RMDN2: variants seen among roughly 807,000 people sequenced by gnomAD.
RMDN2 encodes regulator of microtubule dynamics 2, also known as regulator of microtubule dynamics protein 2.
Under a neutral mutation model 52.8 loss-of-function variants are expected in RMDN2, and 61 were observed. That is an observed-to-expected ratio of 1.16 (90% confidence interval 0.94 to 1.43). RMDN2 has a LOEUF of 1.43. Among genes scored for constraint, RMDN2 ranks in the 40% most tolerant of loss-of-function variants. RMDN2 has a pLI of 0.00. For missense variants in RMDN2, 592 were observed against 475.3 expected (o/e 1.25, Z -2.28); for synonymous variants, 180 against 153.1 (o/e 1.18, Z -1.30).
intron 10 of RMDN2, among the ~76,000 whole-genome samples, chr2:38,040,045 C>CATTATT (rs60031771): frequency 0.28 from 39,971 of 141,382 alleles, 5,916 homozygotes; most frequent in Non-Finnish European, 0.33. Context: ...TGTCTAGATT[C>CATTATT]ATTATTATTA....
At chr2:38,025,835 A>G (rs1263705457) in intron 10 of RMDN2, among the ~76,000 whole-genome samples, 1 of 152,018 alleles carries the variant, frequency 6.6e-6, no homozygotes. Flanking sequence ...TATTCTTTTT[A>G]TTGTATCAGT....
In RMDN2 at chr2:38,010,603, G is replaced by A. The variant is rs145246116; in HGVS notation, c.1179+6387G>A. Among the ~76,000 whole-genome samples, 248 of 152,270 alleles carry A rather than the reference G, an allele frequency of 1.6e-3. 2 individuals carry two copies. The highest frequency in any genetic ancestry group is 5.6e-3 in the African/African-American group (231 of 41,538). On this transcript the variant is annotated intron_variant, in intron 10 of 10. Coordinates refer to ENST00000354545, the MANE Select transcript of RMDN2 (RefSeq NM_001170791.3). The stretch of plus-strand genomic sequence containing the variant: ...GGAGTGACCCGATCTTCCAGGTGCC[G>A]TTTGTCACCCCTTTCTTTGACTAGG...
chr2:37,945,827 C>G (rs1005827954), intron 2 of RMDN2, among the ~76,000 whole-genome samples: 5 of 152,146 alleles, frequency 3.3e-5, no homozygotes, highest in Non-Finnish European at 5.9e-5. Context: ...CACTTTACCA[C>G]TCTGCTGCAC....
chr2:38,059,921 GGAGTCTCGCTCTGTCACCCAGGC>G (rs2125307154), intron 10 of RMDN2, among the ~76,000 whole-genome samples: 1 of 151,746 alleles, frequency 6.6e-6, no homozygotes, highest in Admixed American at 6.6e-5. Context: ...TTTTTGAGAC[GGAGTCTCGCTCTGTCACCCAGGC>G]TGGAGTGCAG....
chr2:37,944,095 C>T (rs1238190981), intron 2 of RMDN2, among the ~76,000 whole-genome samples: 1 of 152,122 alleles, frequency 6.6e-6, no homozygotes, highest in African/African-American at 2.4e-5. Context: ...TGTGTAACTG[C>T]ACCACCCAAG....
intron 8 of RMDN2, among the ~76,000 whole-genome samples, chr2:37,999,530 AGAG>A (rs1245568728): frequency 6.6e-6 from 1 of 152,136 alleles, no homozygotes; most frequent in Non-Finnish European, 1.5e-5. Flanking sequence ...CAAAGAAAAG[AGAG>A]GAGGCATCAG....
chr2:38,031,256 C>CTTTTTTTTTTTTT (rs552306141), intron 10 of RMDN2, among the ~76,000 whole-genome samples: 2 of 105,860 alleles, frequency 1.9e-5, no homozygotes, highest in African/African-American at 3.8e-5. Context: ...CTTTGTTTCC[C>CTTTTTTTTTTTTT]TTTTTTTTTT....
chr2:37,955,099 T>C (rs1342745598), intron 2 of RMDN2, among the ~76,000 whole-genome samples: 2 of 152,136 alleles, frequency 1.3e-5, no homozygotes, highest in Admixed American at 1.3e-4. Context: ...GTGTGAAATA[T>C]TTAGGGTTTT....
At chr2:37,968,538 C>G (rs1038938773) in intron 2 of RMDN2, among the ~76,000 whole-genome samples, 2 of 150,828 alleles carry the variant, frequency 1.3e-5, no homozygotes, top group African/African-American at 4.9e-5. Flanking sequence ...TCCTGATGTA[C>G]TTATGTAAAT....
intron 2 of RMDN2, among the ~76,000 whole-genome samples, chr2:37,938,337 G>A (rs1255993953): frequency 6.6e-6 from 1 of 152,168 alleles, no homozygotes; most frequent in Non-Finnish European, 1.5e-5. Flanking sequence ...CTTCATCAGG[G>A]ATATTGGCCT....
chr2:37,929,337 C>T lies in RMDN2; in HGVS notation c.60C>T (p.Ile20=). Residue 20 remains isoleucine, a synonymous_variant, in exon 2 of 11, where the codon ATC becomes ATT. Transcript: ENST00000354545. ...GCATCATGGTGGGCACTGCTGGAAT[C>T]AGCTTGCTGCTCTTGTGGTACCACA... ...ILGIMVGTAG[I]SLLLLWYHKV... The T allele has an allele frequency of 6.4e-7, 1 of 1,551,916 alleles. No homozygotes were observed.
chr2:38,040,795 A>T (rs1680901804), intron 10 of RMDN2, among the ~76,000 whole-genome samples: 1 of 152,210 alleles, frequency 6.6e-6, no homozygotes, highest in African/African-American at 2.4e-5. Flanking sequence ...TTAAATCTAC[A>T]GATCAGGTTA....
chr2:38,024,414 C>T (rs997712629), intron 10 of RMDN2, among the ~76,000 whole-genome samples: 3 of 152,196 alleles, frequency 2.0e-5, no homozygotes, highest in East Asian at 1.9e-4. Context: ...CTGAGAGTTC[C>T]GCTTGCTTTA....
At chr2:38,018,489 A>G (rs539176597), downstream of RMDN2, among the ~76,000 whole-genome samples, 25 of 152,372 alleles carry the variant, frequency 1.6e-4, no homozygotes, top group East Asian at 4.4e-3. Context: ...TCCAACAGTA[A>G]GAAAGCAGCT....
intron 6 of RMDN2, among the ~76,000 whole-genome samples, chr2:37,990,949 A>G (rs2125134899): frequency 6.6e-6 from 1 of 152,350 alleles, no homozygotes; most frequent in African/African-American, 2.4e-5. Context: ...GTAGGCAAAC[A>G]TATGACTTCG....
intron 8 of RMDN2, among the ~76,000 whole-genome samples, chr2:37,999,575 T>C (rs1676036704): frequency 6.6e-6 from 1 of 152,110 alleles, no homozygotes; most frequent in South Asian, 2.1e-4. Flanking sequence ...CTAGAACAGC[T>C]GAGAGGACTG....
Position 37,974,040 on chromosome 2 carries a change from G to C in RMDN2, c.453G>C (p.Gly151=). The C allele has an allele frequency of 6.2e-7, 1 of 1,602,026 alleles. No homozygotes were observed. The highest frequency in any genetic ancestry group is 8.5e-7 in the Non-Finnish European group (1 of 1,174,544). The change falls in exon 3 of 11, where the codon GGG becomes GGC. Residue 151 remains glycine, a splice_region_variant and synonymous_variant. Transcript: ENST00000354545. The part of the protein sequence containing the change: ...NSSEEAESEG[G]YITANTDTEE... ...TTGATGATTATTTCTGCGATTTTAGGTATATTACAGCTAATACTGACACAG... is the reference window on the plus strand; with the variant it reads ...TTGATGATTATTTCTGCGATTTTAGCTATATTACAGCTAATACTGACACAG...
intron 2 of RMDN2, among the ~76,000 whole-genome samples, chr2:37,937,390 G>T (rs1030308053): frequency 6.6e-6 from 1 of 152,070 alleles, no homozygotes; most frequent in South Asian, 2.1e-4. Flanking sequence ...TTCCTTTTTG[G>T]TTCCATATGA....
In RMDN2 at chr2:37,997,495, C is replaced by A. The variant is rs773515557; in HGVS notation, c.1025C>A (p.Ala342Asp). The A allele has an allele frequency of 6.2e-7, 1 of 1,610,788 alleles. No homozygotes were observed. Among genetic ancestry groups the A allele is most frequent in the East Asian group, 2.2e-5 (1 of 44,838 alleles). ...GKIPSSTVQE[A>D]LHNFLKAEEL... ...ATACCATCTTCAACTGTACAAGAAG[C>A]TTTACACAATTTCCTTAAGGTACAT... Residue 342 changes from alanine (A) to aspartate (D), a missense_variant, in exon 8 of 11, where the codon GCT becomes GAT. By Grantham distance (126) the Ala-to-Asp change is moderately radical (BLOSUM62 -2). Coordinates refer to ENST00000354545, the MANE Select transcript of RMDN2 (RefSeq NM_001170791.3).
Sources: allele counts gnomAD v4.1 joint callset (sites outside exome capture counted in the v4.1 genomes callset), GRCh38; gene constraint gnomAD v4.1.1; transcripts MANE v1.5; gene names NCBI Gene and HGNC (gene_info 2026-07-23, HGNC 2026-07-21).